Variants in FBXW10 observed in about 807,000 individuals in gnomAD.
FBXW10 encodes the protein F-box and WD repeat domain containing 10.
Under a neutral mutation model 113.1 loss-of-function variants are expected in FBXW10, and 68 were observed. That is an observed-to-expected ratio of 0.60 (90% CI 0.49 to 0.74). FBXW10 has a LOEUF of 0.74. Among genes scored for constraint, FBXW10 ranks in the 30% least tolerant of loss-of-function variants. The probability of loss-of-function intolerance (pLI) is 0.00; values close to 1 mark genes in which losing one functional copy is unlikely to be tolerated. For missense variants in FBXW10, 753 were observed against 1,284.5 expected, an observed-to-expected ratio of 0.59 and a Z score of 6.32; for synonymous variants, 289 against 481.6, an observed-to-expected ratio of 0.60 and a Z score of 5.24.
At position 18,772,385 on chromosome 17, in the gene FBXW10, T is replaced by G. The variant is rs375535196; in HGVS notation, c.2007-27T>G. On this transcript the variant is annotated intron_variant, in intron 11 of 13. Transcript: ENST00000395665. Reference sequence around the variant, plus strand: ...TTCGGTGGCCTCCACAGTCCTTTTGTGGACAACCCTGTTGTTTCGGTTCCA... The same window carrying G: ...TTCGGTGGCCTCCACAGTCCTTTTGGGGACAACCCTGTTGTTTCGGTTCCA... 14 of 1,603,724 alleles carry G rather than the reference T, an allele frequency of 8.7e-6. No individual in the cohort carries two copies. The African/African-American group carries it at 1.6e-4, about 18-fold the overall frequency.
chr17:18,770,628 T>A (rs1228839680), intron 11 of FBXW10, among the ~76,000 whole-genome samples: 2 of 151,920 alleles, frequency 1.3e-5, no homozygotes. Flanking sequence ...TCATCCTAGG[T>A]GTTTGTGGGA....
chr17:18,778,645 A>G lies in FBXW10; in HGVS notation c.2506A>G (p.Arg836Gly), dbSNP rs1383332557. 2 of 1,613,766 alleles carry G rather than the reference A, an allele frequency of 1.2e-6. No individual in the cohort carries two copies. The highest frequency in any genetic ancestry group is 1.7e-6 in the Non-Finnish European group (2 of 1,179,868). ...TTCCGGGGAATTTGCCTATCCCTGT[A>G]GGCCCCAAACAGAAATTACTGATGT... is the stretch of plus-strand genomic sequence containing the variant. ...HNSGEFAYPC[R>G]PQTEITDVWG... is the part of the protein sequence containing the mutation. Residue 836 changes from arginine to glycine, a missense_variant, in exon 14 of 14, where the codon AGG (arginine) becomes GGG (glycine). Coordinates refer to ENST00000395665, the MANE Select transcript of FBXW10 (RefSeq NM_001267585.2).
At chr17:18,774,571 A>G (rs939826399) in intron 12 of FBXW10, among the ~76,000 whole-genome samples, 2 of 152,210 alleles carry the variant, frequency 1.3e-5, no homozygotes, top group Non-Finnish European at 2.9e-5. Context: ...AGGCGGGTGG[A>G]TCACCTGAGG....
Position 18,772,490 on chromosome 17 carries a change from G to A in FBXW10, c.2085G>A (p.Thr695=), listed in dbSNP as rs759505188. ...AGTGGCAGTATGCCGTGGAAAAAAC[G>A]AAACAAAAGAAGAATAAGGAGAAAG... ...HIKWQYAVEK[T]KQKKNKEKEE... The change falls in exon 12 of 14, where the codon ACG becomes ACA. Residue 695 remains threonine (T), a synonymous_variant. Transcript: ENST00000395665. The A allele has an allele frequency of 9.3e-6, 15 of 1,613,800 alleles. No individual in the cohort carries two copies. The highest frequency in any genetic ancestry group is 2.2e-5 in the East Asian group (1 of 44,888).
At chr17:18,745,423 C>T in intron 1 of FBXW10, 2 of 212,978 alleles carry the variant, frequency 9.4e-6, no homozygotes, top group Non-Finnish European at 1.6e-5. Flanking sequence ...TATGTCTTTT[C>T]TTTTTTTTTT....
intron 11 of FBXW10, 139 bp from the exon 12 acceptor site, chr17:18,772,273 T>C: frequency 4.0e-6 from 3 of 755,724 alleles, no homozygotes; most frequent in Non-Finnish European, 6.7e-6. Context: ...ACCCTCCAGC[T>C]GCCTACACTA....
At chr17:18,764,125 T>TA in intron 7 of FBXW10, among the ~76,000 whole-genome samples, 1 of 145,074 alleles carries the variant, frequency 6.9e-6, no homozygotes, top group African/African-American at 2.6e-5. Flanking sequence ...CCTATGGGGG[T>TA]AGAAGTTACC....
intron 5 of FBXW10, among the ~76,000 whole-genome samples, chr17:18,751,799 C>T (rs902700203): frequency 1.2e-4 from 18 of 152,158 alleles, no homozygotes; most frequent in Admixed American, 9.2e-4. Flanking sequence ...TAGACGAATT[C>T]GGCTCCCTCA....
At chr17:18,758,274 T>G (rs2035306632) in intron 6 of FBXW10, 31 bp from the exon 7 acceptor site, 4 of 1,481,494 alleles carry the variant, frequency 2.7e-6, no homozygotes, top group Non-Finnish European at 3.6e-6. Flanking sequence ...GACTCTTCTT[T>G]CATGGATAAT....
intron 1 of FBXW10, among the ~76,000 whole-genome samples, chr17:18,746,284 T>G (rs2035036307): frequency 6.6e-6 from 1 of 152,120 alleles, no homozygotes; most frequent in Admixed American, 6.5e-5. Flanking sequence ...ATATCCAAAC[T>G]GTATCAGGAG....
At position 18,749,546 on chromosome 17, in the gene FBXW10, CAAAA is replaced by C. The variant is rs11336827; in HGVS notation, c.671-168_671-165del. 6.3e-3 allele frequency among the ~76,000 whole-genome samples: 925 copies of C among 147,904 alleles called. 10 individuals are homozygous for C. The highest frequency in any genetic ancestry group is 0.022 in the African/African-American group (885 of 40,428). On this transcript the variant is annotated intron_variant, in intron 2 of 13. Transcript: ENST00000395665. ...TGGGCGACAGAGCGAGACTCCGTCT[CAAAA>C]AAAAAAAGATTCTATTCTCAAGTGG...
Position 18,778,890 on chromosome 17 carries a change from G to C in FBXW10, c.2751G>C (p.Arg917Ser), listed in dbSNP as rs754642552. 1.2e-6 allele frequency: 2 copies of C among 1,613,748 alleles called. No homozygotes were observed. The highest frequency in any genetic ancestry group is 1.7e-6 in the Non-Finnish European group (2 of 1,179,844). ...CCCAGCCCATGATTATCCGCTCCAG[G>C]TTCTCTGGCAGCTTAAAGGGTGGAG... ...TIPQPMIIRS[R>S]FSGSLKGGDQ... The change falls in exon 14 of 14, where the codon AGG (arginine) becomes AGC (serine). Residue 917 changes from arginine to serine, a missense_variant. Transcript: ENST00000395665.
chr17:18,773,055 A>G (rs1405546056), intron 12 of FBXW10, among the ~76,000 whole-genome samples: 1 of 150,790 alleles, frequency 6.6e-6, no homozygotes, highest in African/African-American at 2.4e-5. Flanking sequence ...CAGCCTCCTG[A>G]GTAGCTGGGA....
Position 18,744,083 on chromosome 17 carries a change from T to C in FBXW10, c.-162T>C, listed in dbSNP as rs1474153229. The C allele has an allele frequency of 6.6e-6, 7 of 1,068,052 alleles. No homozygotes were observed. Among genetic ancestry groups the C allele is most frequent in the Non-Finnish European group, 9.4e-6 (7 of 748,160 alleles). 66.2% of individuals were successfully genotyped at this position (1,068,052 alleles called of 1,614,324 possible). A position where few individuals can be genotyped will look rare whatever the true frequency, so the allele number is the denominator to read the frequency against. On this transcript the variant is annotated 5_prime_UTR_variant, in exon 1 of 14. Transcript: ENST00000395665. ...TTCTGCTGGCAGTTACTGAGAGAGA[T>C]AGGCTTTCCATCCATGGCAGCCATT...
In FBXW10 at chr17:18,758,401, AG is replaced by A; in HGVS notation, c.1330del (p.Ala444ArgfsTer26). 1.2e-6 allele frequency: 2 copies of A among 1,610,806 alleles called. No homozygotes were observed. Among genetic ancestry groups the A allele is most frequent in the Non-Finnish European group, 1.7e-6 (2 of 1,178,480 alleles). On this transcript the variant is annotated frameshift_variant, in exon 7 of 14. Transcript: ENST00000395665. LOFTEE classifies it high-confidence loss of function. ...IHLLDIIQVK[A>X]IPVEFRGHAG... ...ATCTTCTGGACATCATACAAGTGAA[AG>A]CGATACCCGTTGAATTCCGAGGCCA... is the stretch of plus-strand genomic sequence containing the variant.
chr17:18,760,793 AAAT>A (rs2035364867), intron 7 of FBXW10, among the ~76,000 whole-genome samples: 2 of 152,134 alleles, frequency 1.3e-5, no homozygotes, highest in Admixed American at 1.3e-4. Context: ...AAAAAAAAAA[AAAT>A]CTCAATATGA....
intron 11 of FBXW10, 45 bp from the exon 12 acceptor site, chr17:18,772,367 G>T (rs911819359): frequency 6.3e-7 from 1 of 1,576,842 alleles, no homozygotes; most frequent in Admixed American, 1.8e-5. Flanking sequence ...TCTTTCGGTG[G>T]CCTCCACAGT....
intron 6 of FBXW10, among the ~76,000 whole-genome samples, chr17:18,757,223 G>A (rs139505028): frequency 0.022 from 3,330 of 151,964 alleles, 41 homozygotes; most frequent in Middle Eastern, 0.048. Flanking sequence ...TCATTCTGTC[G>A]TCCAGGCTGG....
chr17:18,766,270 C>G (rs2035494615), intron 8 of FBXW10, among the ~76,000 whole-genome samples: 1 of 151,196 alleles, frequency 6.6e-6, no homozygotes, highest in African/African-American at 2.4e-5. Flanking sequence ...AAGACAACAT[C>G]TGGGAAAAAT....
Sources: allele counts gnomAD v4.1 joint callset (sites outside exome capture counted in the v4.1 genomes callset), GRCh38; gene constraint gnomAD v4.1.1; transcripts MANE v1.5; gene names NCBI Gene and HGNC (gene_info 2026-07-23, HGNC 2026-07-21).